AAGAB: variants seen among roughly 807,000 people sequenced by gnomAD.
AAGAB encodes the protein alpha- and gamma-adaptin-binding protein p34.
AAGAB carries 38 observed loss-of-function variants against 44.1 expected under a neutral mutation model. That is an observed-to-expected ratio of 0.86 (90% CI 0.67 to 1.13). AAGAB has a LOEUF of 1.13. AAGAB is among the 50% of genes most tolerant of loss of function. The probability of loss-of-function intolerance (pLI) is 0.00; values close to 1 mark genes in which losing one functional copy is unlikely to be tolerated. For missense variants in AAGAB, 450 were observed against 373.8 expected, an observed-to-expected ratio of 1.20 and a Z score of -1.68; for synonymous variants, 131 against 131.8, an observed-to-expected ratio of 0.99 and a Z score of 0.04.
intron 5 of AAGAB, among the ~76,000 whole-genome samples, chr15:67,222,951 A>G (rs1964117352): frequency 6.6e-6 from 1 of 152,156 alleles, no homozygotes; most frequent in Non-Finnish European, 1.5e-5. Flanking sequence ...GCTAAATCCA[A>G]GGGTCAACTC....
In AAGAB at chr15:67,202,725, G is replaced by T; in HGVS notation, c.*96C>A. 2 of 1,188,528 alleles carry T rather than the reference G, an allele frequency of 1.7e-6. No individual in the cohort carries two copies. Among genetic ancestry groups the T allele is most frequent in the East Asian group, 2.3e-5 (1 of 42,604 alleles). 73.6% of individuals were successfully genotyped at this position (1,188,528 alleles called of 1,614,324 possible). On this transcript the variant is annotated 3_prime_UTR_variant, in exon 10 of 10. Coordinates refer to ENST00000261880, the MANE Select transcript of AAGAB (RefSeq NM_024666.5). The stretch of plus-strand genomic sequence containing the variant: ...TATAAACAAGTCAGGCAGCCAACAT[G>T]ATAAGGGCAATTTTGGCAAAATATG...
chr15:67,222,195 A>T (rs564784997), intron 5 of AAGAB, among the ~76,000 whole-genome samples: 2 of 150,980 alleles, frequency 1.3e-5, no homozygotes, highest in East Asian at 4.0e-4. Context: ...TTTGCTTAGC[A>T]AAAGCAGAAC....
At chr15:67,211,943 G>A (rs971565733) in intron 5 of AAGAB, among the ~76,000 whole-genome samples, 3 of 151,644 alleles carry the variant, frequency 2.0e-5, no homozygotes, top group Non-Finnish European at 2.9e-5. Flanking sequence ...GCAGTGGTGC[G>A]ATCTCGGCTC....
chr15:67,227,039 G>T, intron 5 of AAGAB: 1 of 164,268 alleles, frequency 6.1e-6, no homozygotes, highest in South Asian at 1.3e-4. Flanking sequence ...TACAAGAGCT[G>T]GAATTGTTTT....
chr15:67,238,947 G>A (rs187317187), intron 1 of AAGAB, among the ~76,000 whole-genome samples: 86 of 152,126 alleles, frequency 5.7e-4, no homozygotes, highest in Middle Eastern at 3.4e-3. Flanking sequence ...CGCCCGCCTC[G>A]GCCTTCCAAA....
At chr15:67,234,176 C>T (rs987168492) in intron 4 of AAGAB, among the ~76,000 whole-genome samples, 6 of 151,902 alleles carry the variant, frequency 3.9e-5, no homozygotes, top group Non-Finnish European at 1.5e-5. Flanking sequence ...TGGCGTGAAT[C>T]TAGGAGGTGG....
At chr15:67,231,727 A>G in intron 5 of AAGAB, 87 bp downstream of exon 5, 1 of 1,039,862 alleles carries the variant, frequency 9.6e-7, no homozygotes, top group South Asian at 1.3e-5. Context: ...GATTTCATAT[A>G]GCACTAATGG....
At chr15:67,211,868 A>G (rs1963828036) in intron 5 of AAGAB, among the ~76,000 whole-genome samples, 1 of 148,622 alleles carries the variant, frequency 6.7e-6, no homozygotes, top group African/African-American at 2.5e-5. Context: ...AAAGCAGTCT[A>G]TTTGAAATGC....
At chr15:67,219,371 T>C (rs1196394243) in intron 5 of AAGAB, among the ~76,000 whole-genome samples, 3 of 152,210 alleles carry the variant, frequency 2.0e-5, no homozygotes, top group African/African-American at 7.2e-5. Context: ...TTCTTCTGCA[T>C]GCTTTGCACC....
chr15:67,237,768 C>T (rs1964505727), intron 1 of AAGAB, among the ~76,000 whole-genome samples: 1 of 152,094 alleles, frequency 6.6e-6, no homozygotes, highest in Non-Finnish European at 1.5e-5. Flanking sequence ...ATTGACTTAT[C>T]AGAAGAATAT....
At chr15:67,253,269 G>T (rs1372327423) in intron 1 of AAGAB, among the ~76,000 whole-genome samples, 4 of 147,802 alleles carry the variant, frequency 2.7e-5, no homozygotes, top group Middle Eastern at 3.5e-3. Context: ...ACGGGGGGGG[G>T]GGGGGGCAAT....
intron 9 of AAGAB, 111 bp downstream of exon 9, chr15:67,203,437 T>C (rs1041955532): frequency 1.1e-4 from 105 of 915,196 alleles, no homozygotes; most frequent in Non-Finnish European, 1.7e-4. Context: ...TAATATTCAA[T>C]GAAAAGCTCA....
chr15:67,231,043 A>G (rs532248621), intron 5 of AAGAB, among the ~76,000 whole-genome samples: 32 of 152,022 alleles, frequency 2.1e-4, no homozygotes, highest in Non-Finnish European at 4.0e-4. Flanking sequence ...CCTAGAATAC[A>G]CAACTTTTTT....
At chr15:67,203,681 CG>C in intron 8 of AAGAB, 84 bp from the exon 9 acceptor site, 1 of 1,233,108 alleles carries the variant, frequency 8.1e-7, no homozygotes, top group Non-Finnish European at 1.2e-6. Flanking sequence ...AGATGGGAGA[CG>C]GGTTTCAAAG....
At chr15:67,216,529 T>C (rs1436135053) in intron 5 of AAGAB, among the ~76,000 whole-genome samples, 4 of 150,196 alleles carry the variant, frequency 2.7e-5, no homozygotes, top group African/African-American at 9.8e-5. Context: ...GTCTTCCTAG[T>C]TGTTGTTTTT....
intron 1 of AAGAB, among the ~76,000 whole-genome samples, chr15:67,253,612 G>A (rs576462920): frequency 6.6e-6 from 1 of 152,106 alleles, no homozygotes; most frequent in African/African-American, 2.4e-5. Flanking sequence ...AAATTAGCCA[G>A]GGTTCGTGGT....
chr15:67,225,965 A>G (rs1360047244), intron 5 of AAGAB, among the ~76,000 whole-genome samples: 1 of 152,196 alleles, frequency 6.6e-6, no homozygotes, highest in Non-Finnish European at 1.5e-5. Flanking sequence ...AAGTGGCTGC[A>G]GCACCATTTT....
intron 5 of AAGAB, among the ~76,000 whole-genome samples, chr15:67,215,527 ATATT>A (rs1329608529): frequency 1.3e-5 from 2 of 152,168 alleles, no homozygotes; most frequent in Admixed American, 6.5e-5. Flanking sequence ...AGTTTTTTCC[ATATT>A]TAAAGTTTTC....
Position 67,218,612 on chromosome 15 carries a change from C to T in AAGAB, c.536-9068G>A, listed in dbSNP as rs181293556. Among the ~76,000 whole-genome samples the T allele has an allele frequency of 4.6e-5, 7 of 152,210 alleles. No individual in the cohort carries two copies. The East Asian group carries it at 1.4e-3, about 29-fold the overall frequency. On this transcript the variant is annotated intron_variant, in intron 5 of 9. Transcript: ENST00000261880. ...GCTTGCAATTAGGTTATTTGATGTA[C>T]CAGACAAATTGAAAGAGAAGACAAT... is the stretch of plus-strand genomic sequence containing the variant.
Sources: allele counts gnomAD v4.1 joint callset (sites outside exome capture counted in the v4.1 genomes callset), GRCh38; gene constraint gnomAD v4.1.1; transcripts MANE v1.5; gene names NCBI Gene and HGNC (gene_info 2026-07-23, HGNC 2026-07-21).